The following COL11A1 variants were observed in gnomAD, a reference collection of about 807,000 sequenced individuals.
COL11A1 encodes the protein collagen type XI alpha 1 chain.
In COL11A1, 74 loss-of-function variants were observed where a neutral mutation model predicts 265.2. The observed-to-expected ratio is 0.28, with a 90% CI of 0.23 to 0.34. COL11A1 has a LOEUF of 0.34. Ranked by LOEUF, COL11A1 falls within the 10% of genes least tolerant of loss-of-function variation. The pLI, the probability that COL11A1 is intolerant of heterozygous loss-of-function variation, is 1.00. For synonymous variants in COL11A1, 816 were observed against 727.6 expected, an observed-to-expected ratio of 1.12 and a Z score of -1.96; for missense variants, 2,165 against 2,263.6, an observed-to-expected ratio of 0.96 and a Z score of 0.88.
At chr1:102,903,757 C>T (rs778802047) in intron 54 of COL11A1, among the ~76,000 whole-genome samples, 9 of 152,182 alleles carry the variant, frequency 5.9e-5, no homozygotes, top group Non-Finnish European at 8.8e-5. Flanking sequence ...ATAGAATTCA[C>T]TCTGCATTAT....
intron 14 of COL11A1, among the ~76,000 whole-genome samples, chr1:103,010,675 T>C (rs905206157): frequency 2.0e-5 from 3 of 152,118 alleles, no homozygotes; most frequent in Admixed American, 6.6e-5. Flanking sequence ...TAATAGAGTT[T>C]TAGATATCCT....
chr1:103,025,867 G>T, intron 6 of COL11A1: 2 of 1,613,484 alleles, frequency 1.2e-6, no homozygotes, highest in Non-Finnish European at 1.7e-6. Flanking sequence ...AAATTTTTCA[G>T]ATTTGGGGGG....
intron 52 of COL11A1, among the ~76,000 whole-genome samples, 184 bp from the exon 53 acceptor site, chr1:102,913,874 T>A (rs576387712): frequency 1.1e-4 from 17 of 152,224 alleles, no homozygotes; most frequent in African/African-American, 3.6e-4. Flanking sequence ...CGCAAAAAAA[T>A]TTGTAAAACT....
rs539616225 is a variant in COL11A1, at chr1:102,919,982, C to A, written c.3762+329G>T. Among the ~76,000 whole-genome samples, 14 of 152,050 alleles carry A rather than the reference C, an allele frequency of 9.2e-5. 1 individual carries two copies. The South Asian group carries it at 2.9e-3, about 32-fold the overall frequency. ...CAGTGTATCCTAGCTTAGTCACTTTCTAAGGAAAATCTTTGATGAAATTAC... is the reference window on the plus strand; with the variant it reads ...CAGTGTATCCTAGCTTAGTCACTTTATAAGGAAAATCTTTGATGAAATTAC... On this transcript the variant is annotated intron_variant, in intron 49 of 66. Transcript: ENST00000370096.
At chr1:103,046,681 G>A (rs1297853164) in intron 4 of COL11A1, among the ~76,000 whole-genome samples, 12 of 150,818 alleles carry the variant, frequency 8.0e-5, no homozygotes, top group Admixed American at 1.3e-4. Context: ...GTCCTTGCCC[G>A]TGCCTATGTC....
intron 4 of COL11A1, among the ~76,000 whole-genome samples, chr1:103,054,412 C>T (rs565686699): frequency 9.4e-4 from 143 of 152,234 alleles, no homozygotes; most frequent in Non-Finnish European, 1.6e-3. Flanking sequence ...TAAAGTACCA[C>T]GTTCAAATGG....
At chr1:102,975,017 A>ATTACC in intron 35 of COL11A1, 134 bp from the exon 36 acceptor site, 1 of 711,956 alleles carries the variant, frequency 1.4e-6, no homozygotes, top group Non-Finnish European at 2.5e-6. Flanking sequence ...GAACTATGGT[A>ATTACC]ATACAACACG....
rs762178723 is a variant in COL11A1, at chr1:103,015,660, G to T, written c.1488+8C>A. The T allele has an allele frequency of 3.8e-6, 6 of 1,595,282 alleles. No individual in the cohort carries two copies. The highest frequency in any genetic ancestry group is 4.3e-6 in the Non-Finnish European group (5 of 1,167,196). On this transcript the variant is annotated splice_region_variant and intron_variant, in intron 12 of 66. Transcript: ENST00000370096. The stretch of plus-strand genomic sequence containing the variant: ...CAAGTCATCTCTATAACATAAAAAA[G>T]AACATACCGGTAACATCAACATAGT...
At chr1:103,096,186 T>C (rs1255277656) in intron 1 of COL11A1, among the ~76,000 whole-genome samples, 1 of 151,908 alleles carries the variant, frequency 6.6e-6, no homozygotes, top group East Asian at 1.9e-4. Flanking sequence ...GGGTCTGCTG[T>C]GTTGAGAAGA....
chr1:102,934,232 G>A (rs1403679554), intron 46 of COL11A1, among the ~76,000 whole-genome samples: 1 of 152,196 alleles, frequency 6.6e-6, no homozygotes, highest in Non-Finnish European at 1.5e-5. Context: ...AGAATCAGGA[G>A]CGAGGGCTGA....
intron 13 of COL11A1, among the ~76,000 whole-genome samples, chr1:103,013,174 T>C (rs889378255): frequency 6.6e-6 from 1 of 152,028 alleles, no homozygotes; most frequent in African/African-American, 2.4e-5. Context: ...AACACTTAGA[T>C]TTATCACAAA....
chr1:102,904,594 T>C (rs374291776), intron 54 of COL11A1, among the ~76,000 whole-genome samples: 11,367 of 136,562 alleles, frequency 0.083, 515 homozygotes, highest in Middle Eastern at 0.13. Context: ...CAAAAGAAGA[T>C]ATTTATGCAG....
chr1:102,985,356 T>C (rs12125432), intron 30 of COL11A1, among the ~76,000 whole-genome samples: 14,573 of 152,064 alleles, frequency 0.096, 898 homozygotes, highest in African/African-American at 0.18. Context: ...CAGATTGAAC[T>C]AAAGAGTTGT....
chr1:102,938,534 A>G lies in COL11A1; in HGVS notation c.3438+501T>C, dbSNP rs1370836454. Among the ~76,000 whole-genome samples, 5 of 152,304 alleles carry G rather than the reference A, an allele frequency of 3.3e-5. No individual in the cohort carries two copies. In the East Asian group the frequency reaches 5.8e-4, roughly 18 times the overall value. On this transcript the variant is annotated intron_variant, in intron 44 of 66. Transcript: ENST00000370096. ...AGGAACATGTTTAAATACATAATTT[A>G]AAGAGAATATATACTGGTAGTGACC... is the stretch of plus-strand genomic sequence containing the variant.
intron 1 of COL11A1, among the ~76,000 whole-genome samples, chr1:103,090,951 A>C (rs1462953570): frequency 6.6e-6 from 1 of 152,164 alleles, no homozygotes; most frequent in Non-Finnish European, 1.5e-5. Context: ...CAGCATGTTC[A>C]TATTGTATTC....
intron 7 of COL11A1, among the ~76,000 whole-genome samples, chr1:103,023,239 G>A (rs1667244577): frequency 6.6e-6 from 1 of 151,984 alleles, no homozygotes; most frequent in Non-Finnish European, 1.5e-5. Context: ...ATATTCACAT[G>A]GAATTAACAT....
intron 41 of COL11A1, among the ~76,000 whole-genome samples, chr1:102,960,606 A>G (rs143237315): frequency 1.2e-4 from 18 of 152,222 alleles, no homozygotes; most frequent in African/African-American, 4.1e-4. Flanking sequence ...TCAAGTAGAG[A>G]AAGAAAAACT....
chr1:102,932,921 G>C (rs533159920), intron 46 of COL11A1, among the ~76,000 whole-genome samples: 1,569 of 149,914 alleles, frequency 0.01, 32 homozygotes, highest in African/African-American at 0.036. Flanking sequence ...CGTAGTTCTC[G>C]AGCCTTGGTT....
At chr1:103,048,553 C>T (rs1403754806) in intron 4 of COL11A1, among the ~76,000 whole-genome samples, 1 of 152,144 alleles carries the variant, frequency 6.6e-6, no homozygotes, top group Non-Finnish European at 1.5e-5. Flanking sequence ...AAACCAGCTC[C>T]TGGACTCACT....
Sources: allele counts gnomAD v4.1 joint callset (sites outside exome capture counted in the v4.1 genomes callset), GRCh38; gene constraint gnomAD v4.1.1; transcripts MANE v1.5; gene names NCBI Gene and HGNC (gene_info 2026-07-23, HGNC 2026-07-21).